The following PCDHGA6 variants were observed in gnomAD, a reference collection of about 807,000 sequenced individuals.
The protein encoded by PCDHGA6 is protocadherin gamma subfamily A, 6.
Under a neutral mutation model 60.6 loss-of-function variants are expected in PCDHGA6, and 41 were observed. The ratio of observed to expected loss-of-function variants is 0.68; its 90% confidence interval spans 0.53 to 0.88. PCDHGA6 has a LOEUF of 0.88. Ranked by LOEUF, PCDHGA6 falls within the 40% of genes least tolerant of loss-of-function variation. PCDHGA6 has a pLI of 0.00. For missense variants in PCDHGA6, 1,312 were observed against 1,203.0 expected, an observed-to-expected ratio of 1.09 and a Z score of -1.34; for synonymous variants, 594 against 524.4, an observed-to-expected ratio of 1.13 and a Z score of -1.81.
intron 1 of PCDHGA6, among the ~76,000 whole-genome samples, chr5:141,492,095 CT>C (rs1047956109): frequency 6.6e-6 from 1 of 152,232 alleles, no homozygotes; most frequent in African/African-American, 2.4e-5. Context: ...CTTCGCCGGT[CT>C]GTAGATTTCC....
chr5:141,432,369 A>G lies in PCDHGA6; in HGVS notation c.2424+55862A>G. 6.2e-7 allele frequency: 1 copy of G among 1,614,222 alleles called. No homozygotes were observed. The highest frequency in any genetic ancestry group is 1.1e-5 in the South Asian group (1 of 91,084). ...CAAGTGAAAGTGATGGCGCGGGACA[A>G]CGGGCACCCGCCCCTCAGCAGCAAC... On this transcript the variant is annotated intron_variant, in intron 1 of 3. Coordinates refer to ENST00000517434, the MANE Select transcript of PCDHGA6 (RefSeq NM_018919.3). The surrounding 1 kb of genome is among the most constrained non-coding windows in gnomAD (Gnocchi z 6.0).
chr5:141,470,860 T>G (rs2099242265), intron 1 of PCDHGA6, among the ~76,000 whole-genome samples: 1 of 151,788 alleles, frequency 6.6e-6, no homozygotes, highest in South Asian at 2.1e-4. Context: ...GATAAGTTTT[T>G]TGTTTGTTTG....
Position 141,489,592 on chromosome 5 carries a change from C to T in PCDHGA6, c.2425-5215C>T, listed in dbSNP as rs747085985. 1.3e-5 allele frequency: 21 copies of T among 1,613,928 alleles called. No individual in the cohort carries two copies. The East Asian group carries it at 1.6e-4, about 12-fold the overall frequency. ...GACTGAACACCCCCTGGAGCTAATC[C>T]GTGTAGAGGTAGAGATCCTGGATCT... is the stretch of plus-strand genomic sequence containing the variant. On this transcript the variant is annotated intron_variant, in intron 1 of 3. Transcript: ENST00000517434. This position sits in a 1 kb window ranked among gnomAD's most constrained non-coding sequence, Gnocchi z 4.5.
intron 1 of PCDHGA6, chr5:141,492,036 T>A: frequency 1.9e-6 from 1 of 536,866 alleles, no homozygotes; most frequent in Non-Finnish European, 3.2e-6. Flanking sequence ...GAGGAGGCAG[T>A]CACAGATCCA....
At position 141,431,118 on chromosome 5, in the gene PCDHGA6, A is replaced by C; in HGVS notation, c.2424+54611A>C. On this transcript the variant is annotated intron_variant, in intron 1 of 3. Coordinates refer to ENST00000517434, the MANE Select transcript of PCDHGA6 (RefSeq NM_018919.3). The surrounding 1 kb of genome is among the most constrained non-coding windows in gnomAD (Gnocchi z 4.8). ...GATAAAGTGAAAATATATGGAGTAG[A>C]AGTAGAAGTAAGGGACATTAACGAC... 6.2e-7 allele frequency: 1 copy of C among 1,614,182 alleles called. No individual in the cohort carries two copies. Among genetic ancestry groups the C allele is most frequent in the Non-Finnish European group, 8.5e-7 (1 of 1,179,974 alleles).
intron 1 of PCDHGA6, chr5:141,419,829 C>G (rs748734266): frequency 6.2e-7 from 1 of 1,614,072 alleles, no homozygotes; most frequent in Admixed American, 1.7e-5. Flanking sequence ...CTTTCAGCCA[C>G]TGCCACGCTG....
At position 141,375,357 on chromosome 5, in the gene PCDHGA6, C is replaced by A; in HGVS notation, c.1274C>A (p.Thr425Lys). ...TTGTACAACATCACTGTGACAGCCA[C>A]GGACAAAGGAACACCACCTCTGTCT... ...VFLYNITVTA[T>K]DKGTPPLSTE... Residue 425 changes from threonine (T) to lysine (K), a missense_variant, in exon 1 of 4, where the codon ACG becomes AAG. Physicochemically the swap from Thr to Lys is moderately conservative, Grantham distance 78. Transcript: ENST00000517434. 6.2e-7 allele frequency: 1 copy of A among 1,613,858 alleles called. No individual in the cohort carries two copies. The highest frequency in any genetic ancestry group is 8.5e-7 in the Non-Finnish European group (1 of 1,179,922).
rs1312737468 is a variant in PCDHGA6 at position 141,376,195 on chromosome 5, C to T, written c.2112C>T (p.Phe704=). 3 of 1,614,172 alleles carry T rather than the reference C, an allele frequency of 1.9e-6. No homozygotes were observed. Among genetic ancestry groups the T allele is most frequent in the Admixed American group, 1.7e-5 (1 of 60,032 alleles). The change falls in exon 1 of 4, where the codon TTC becomes TTT. Residue 704 remains phenylalanine, a synonymous_variant. Transcript: ENST00000517434. Reference sequence around the variant, plus strand: ...CGGTGGCCGCGGTCTCCTGCGTCTTCCTGGCCTTCGTCATCGTGCTGCTGG... The same window carrying T: ...CGGTGGCCGCGGTCTCCTGCGTCTTTCTGGCCTTCGTCATCGTGCTGCTGG... ...VVAVAAVSCV[F]LAFVIVLLAL... is the part of the protein sequence containing the mutation.
chr5:141,485,416 C>T lies in PCDHGA6; in HGVS notation c.2425-9391C>T, dbSNP rs1311879785. On this transcript the variant is annotated intron_variant, in intron 1 of 3. Coordinates refer to ENST00000517434, the MANE Select transcript of PCDHGA6 (RefSeq NM_018919.3). This position sits in a 1 kb window ranked among gnomAD's most constrained non-coding sequence, Gnocchi z 5.7. Reference sequence around the variant, plus strand: ...GACACTTCCGTGTGGATTTGGACAGCGGAGCCCTGCTCATCAAGAACCCAA... The same window carrying T: ...GACACTTCCGTGTGGATTTGGACAGTGGAGCCCTGCTCATCAAGAACCCAA... 10 of 1,613,988 alleles carry T rather than the reference C, an allele frequency of 6.2e-6. No individual in the cohort carries two copies. Among genetic ancestry groups the T allele is most frequent in the South Asian group, 4.4e-5 (4 of 91,086 alleles).
intron 1 of PCDHGA6, chr5:141,408,319 G>T: frequency 6.2e-7 from 1 of 1,613,896 alleles, no homozygotes; most frequent in Non-Finnish European, 8.5e-7. Context: ...CGATTCCGGA[G>T]GAGCTGGCCA....
At chr5:141,404,224 AAC>A (rs1416261372) in intron 1 of PCDHGA6, 1 of 1,613,704 alleles carries the variant, frequency 6.2e-7, no homozygotes, top group Non-Finnish European at 8.5e-7. Flanking sequence ...CGGTGACTGC[AAC>A]AGACAGAGGA....
At position 141,421,681 on chromosome 5, in the gene PCDHGA6, C is replaced by T. The variant is rs750692137; in HGVS notation, c.2424+45174C>T. 4 of 1,613,858 alleles carry T rather than the reference C, an allele frequency of 2.5e-6. No homozygotes were observed. In the South Asian group the frequency reaches 4.4e-5, roughly 18 times the overall value. Reference sequence around the variant, plus strand: ...CAGTGAGCACGCAATTCCTGGGGCGCGATTTGCTCTTCCTAATGCTAGGGA... The same window carrying T: ...CAGTGAGCACGCAATTCCTGGGGCGTGATTTGCTCTTCCTAATGCTAGGGA... On this transcript the variant is annotated intron_variant, in intron 1 of 3. Coordinates refer to ENST00000517434, the MANE Select transcript of PCDHGA6 (RefSeq NM_018919.3).
At position 141,511,235 on chromosome 5, in the gene PCDHGA6, C is replaced by G; in HGVS notation, c.*62C>G. On this transcript the variant is annotated 3_prime_UTR_variant, in exon 4 of 4. Transcript: ENST00000517434. ...CCCCAACCAGCCCAGCTTCTCCTTA[C>G]CTGCACCCAGGCCTCAGAGTTTCAG... 2 of 1,592,936 alleles carry G rather than the reference C, an allele frequency of 1.3e-6. No homozygotes were observed. The highest frequency in any genetic ancestry group is 1.7e-6 in the Non-Finnish European group (2 of 1,169,652).
intron 1 of PCDHGA6, chr5:141,403,051 C>T (rs1273209859): frequency 3.7e-6 from 6 of 1,614,086 alleles, no homozygotes; most frequent in Admixed American, 1.7e-5. Context: ...AGATTCGCTA[C>T]TCAGTGCCTG....
intron 1 of PCDHGA6, chr5:141,398,485 A>G: frequency 6.2e-7 from 1 of 1,608,602 alleles, no homozygotes; most frequent in Non-Finnish European, 8.5e-7. Context: ...TTATCACGTG[A>G]ATGTGGAGAT....
chr5:141,508,971 T>C (rs776443205), intron 3 of PCDHGA6, among the ~76,000 whole-genome samples: 14 of 152,004 alleles, frequency 9.2e-5, no homozygotes, highest in Non-Finnish European at 2.1e-4. Context: ...ATGAAAGGGC[T>C]GGGGGTGGGG....
At chr5:141,505,564 G>GGATGTCAAACCTGTGTAGTTTCTCCA in intron 3 of PCDHGA6, 83 bp downstream of exon 3, 1 of 1,603,196 alleles carries the variant, frequency 6.2e-7, no homozygotes, top group Non-Finnish European at 8.5e-7. Context: ...CCCACGGACT[G>GGATGTCAAACCTGTGTAGTTTCTCCA]GATGTCAAAC....
At chr5:141,384,270 C>T in intron 1 of PCDHGA6, 1 of 1,613,890 alleles carries the variant, frequency 6.2e-7, no homozygotes, top group Non-Finnish European at 8.5e-7. Flanking sequence ...ACTCATCCTA[C>T]TCAGTCTACA....
chr5:141,410,419 TC>T (rs769125626), intron 1 of PCDHGA6: 1 of 1,613,886 alleles, frequency 6.2e-7, no homozygotes, highest in South Asian at 1.1e-5. Flanking sequence ...GACCTGTAGT[TC>T]CCCCCAACTA....
Sources: gnomAD v4.1 joint callset for allele counts (sites outside exome capture counted in the v4.1 genomes callset) on GRCh38, gnomAD v4.1.1 for gene constraint, Gnocchi (gnomAD v3.1) non-coding constraint, MANE v1.5 for transcripts, NCBI Gene and HGNC (gene_info 2026-07-23, HGNC 2026-07-21) for gene names.